Variants in N4BP2L2 observed in about 807,000 individuals in gnomAD.
The protein encoded by N4BP2L2 is NEDD4-binding protein 2-like 2.
In N4BP2L2, 50 loss-of-function variants were observed where a neutral mutation model predicts 56.2. The observed-to-expected ratio is 0.89, with a 90% CI of 0.71 to 1.13. N4BP2L2 has a LOEUF of 1.13. Among genes scored for constraint, N4BP2L2 ranks in the 50% most tolerant of loss-of-function variants. The pLI is 0.00. For synonymous variants in N4BP2L2, 203 were observed against 223.6 expected (o/e 0.91, Z 0.82); for missense variants, 689 against 693.8 (o/e 0.99, Z 0.08).
At chr13:32,434,708 T>C (rs750007649) in intron 9 of N4BP2L2, among the ~76,000 whole-genome samples, 5 of 152,182 alleles carry the variant, frequency 3.3e-5, no homozygotes, top group Non-Finnish European at 7.3e-5. Context: ...AATTTCTGTT[T>C]ACCCCTTGAG....
At chr13:32,462,946 G>A (rs1014345532) in intron 6 of N4BP2L2, among the ~76,000 whole-genome samples, 1 of 151,496 alleles carries the variant, frequency 6.6e-6, no homozygotes, top group Non-Finnish European at 1.5e-5. Flanking sequence ...GGGAGGCTGA[G>A]GCAGGAGAAT....
intron 6 of N4BP2L2, chr13:32,478,165 T>C (rs2083746273): frequency 2.6e-6 from 2 of 774,064 alleles, no homozygotes; most frequent in Non-Finnish European, 3.6e-6. Context: ...AACGAAGAAC[T>C]TGGGCAGGTA....
intron 6 of N4BP2L2, among the ~76,000 whole-genome samples, chr13:32,487,771 T>C (rs550865873): frequency 6.6e-6 from 1 of 152,198 alleles, no homozygotes; most frequent in Non-Finnish European, 1.5e-5. Context: ...ATATGAATCA[T>C]TTCTTATTTT....
chr13:32,498,460 C>T (rs1219527498), intron 6 of N4BP2L2, among the ~76,000 whole-genome samples: 1 of 152,064 alleles, frequency 6.6e-6, no homozygotes, highest in Non-Finnish European at 1.5e-5. Flanking sequence ...GATTCTCGTG[C>T]CTCAGCCGAA....
exon 7 of N4BP2L2, chr13:32,442,645 T>A (rs1015027622): frequency 2.2e-5 from 36 of 1,613,802 alleles, no homozygotes; most frequent in Non-Finnish European, 2.9e-5. Flanking sequence ...CCCTGCATCA[T>A]TTAGTTTATT....
intron 2 of N4BP2L2, among the ~76,000 whole-genome samples, chr13:32,528,596 A>G (rs3929995): frequency 0.011 from 1,749 of 152,304 alleles, 43 homozygotes; most frequent in African/African-American, 0.039. Context: ...AAATGCAGCA[A>G]GATAATGATT....
chr13:32,500,546 C>A (rs1196225713), intron 6 of N4BP2L2, among the ~76,000 whole-genome samples: 5,933 of 51,632 alleles, frequency 0.11, 453 homozygotes, highest in African/African-American at 0.24. Flanking sequence ...CCTGTCTCTA[C>A]AAAAAAAAAA....
At chr13:32,458,058 T>C (rs1360268445) in intron 6 of N4BP2L2, among the ~76,000 whole-genome samples, 1 of 152,048 alleles carries the variant, frequency 6.6e-6, no homozygotes, top group African/African-American at 2.4e-5. Context: ...TGTTTTGTTT[T>C]TTGTTTTGTT....
chr13:32,521,570 G>C, intron 4 of N4BP2L2, 121 bp from the exon 5 acceptor site: 2 of 633,242 alleles, frequency 3.2e-6, no homozygotes, highest in East Asian at 5.7e-5. Flanking sequence ...GAAAAATGAC[G>C]CTTTATAAAA....
intron 6 of N4BP2L2, among the ~76,000 whole-genome samples, chr13:32,451,886 A>G (rs2078094252): frequency 6.6e-6 from 1 of 152,198 alleles, no homozygotes; most frequent in East Asian, 1.9e-4. Context: ...TAGTCCTAGA[A>G]TGGTAAAACA....
Position 32,491,635 on chromosome 13 carries a change from ATTT to A in N4BP2L2, c.365+26219_365+26221del, listed in dbSNP as rs3075001. Among the ~76,000 whole-genome samples, 687 of 132,456 alleles carry A rather than the reference ATTT, an allele frequency of 5.2e-3. 7 individuals carry two copies. The highest frequency in any genetic ancestry group is 0.019 in the African/African-American group (654 of 34,832). 86.9% of individuals were successfully genotyped at this position (132,456 alleles called of 152,430 possible). A position where few individuals can be genotyped will look rare whatever the true frequency, so the allele number is the denominator to read the frequency against. On this transcript the variant is annotated intron_variant, in intron 6 of 9. Coordinates refer to the N4BP2L2 transcript ENST00000357505. ...ATATGTATATTATATATATATATAT[ATTT>A]TTTTTTTTTTTGAGACGGAGTCTAA...
In N4BP2L2 at chr13:32,522,290, T is replaced by A. The variant is rs754122861; in HGVS notation, c.1385-20A>T. 2.5e-5 allele frequency: 36 copies of A among 1,412,892 alleles called. No individual in the cohort carries two copies. Among genetic ancestry groups the A allele is most frequent in the Non-Finnish European group, 3.4e-5 (35 of 1,043,540 alleles). 87.5% of individuals were successfully genotyped at this position (1,412,892 alleles called of 1,614,324 possible). ...GTTTTGCTGAAATAAAATATAAATT[T>A]AAAAATAAAAAAACAAATTAGGTTA... On this transcript the variant is annotated intron_variant, in intron 3 of 5. Transcript: ENST00000267068.
intron 2 of N4BP2L2, among the ~76,000 whole-genome samples, chr13:32,530,845 A>G (rs1398109141): frequency 6.6e-6 from 1 of 151,698 alleles, no homozygotes; most frequent in Non-Finnish European, 1.5e-5. Context: ...GCTTCTAAGG[A>G]ACAGAATATG....
chr13:32,470,289 G>A (rs190217882), intron 6 of N4BP2L2, among the ~76,000 whole-genome samples: 8 of 152,254 alleles, frequency 5.3e-5, no homozygotes, highest in South Asian at 2.1e-4. Context: ...ACAGTGTTGC[G>A]GTGGTGTCAT....
chr13:32,527,171 C>T (rs1428549237), intron 3 of N4BP2L2: 6 of 430,088 alleles, frequency 1.4e-5, no homozygotes, highest in Non-Finnish European at 2.5e-5. Flanking sequence ...TACTGATAAA[C>T]TATTTACAGT....
chr13:32,494,460 A>C (rs1169272766), intron 6 of N4BP2L2, among the ~76,000 whole-genome samples: 2 of 151,998 alleles, frequency 1.3e-5, no homozygotes, highest in Non-Finnish European at 2.9e-5. Flanking sequence ...TCACAGGAGA[A>C]AACAAAAAAG....
intron 6 of N4BP2L2, among the ~76,000 whole-genome samples, chr13:32,483,289 C>T (rs953683978): frequency 2.7e-4 from 41 of 152,136 alleles, no homozygotes; most frequent in Non-Finnish European, 5.3e-4. Context: ...AAGTCAAGTT[C>T]ATATGCTACA....
intron 6 of N4BP2L2, among the ~76,000 whole-genome samples, chr13:32,479,013 T>C (rs2083977569): frequency 6.6e-6 from 1 of 151,990 alleles, no homozygotes; most frequent in South Asian, 2.1e-4. Flanking sequence ...CGGGTGCCTA[T>C]AATCCCAGCT....
chr13:32,535,831 T>C (rs764287750), exon 2 of N4BP2L2: 7 of 1,614,188 alleles, frequency 4.3e-6, no homozygotes, highest in Non-Finnish European at 5.9e-6. Flanking sequence ...ACTTCTGCAA[T>C]TTATTTAACT....
Sources: gnomAD v4.1 joint callset for allele counts (sites outside exome capture counted in the v4.1 genomes callset) on GRCh38, gnomAD v4.1.1 for gene constraint, MANE v1.5 for transcripts, NCBI Gene and HGNC (gene_info 2026-07-23, HGNC 2026-07-21) for gene names.